Variants in PARD3B observed in about 807,000 individuals in gnomAD.
PARD3B encodes partitioning defective 3 homolog B.
PARD3B carries 103 observed loss-of-function variants against 130.2 expected under a neutral mutation model. The ratio of observed to expected loss-of-function variants is 0.79; its 90% CI spans 0.67 to 0.93. PARD3B has a LOEUF of 0.93. Ranked by LOEUF, PARD3B falls within the 40% of genes least tolerant of loss-of-function variation. The pLI is 0.00. For synonymous variants in PARD3B, 583 were observed against 553.2 expected, an observed-to-expected ratio of 1.05 and a Z score of -0.76; for missense variants, 1,609 against 1,499.2, an observed-to-expected ratio of 1.07 and a Z score of -1.21.
chr2:205,039,403 A>G (rs1336546156), intron 3 of PARD3B, among the ~76,000 whole-genome samples: 1 of 152,010 alleles, frequency 6.6e-6, no homozygotes, highest in African/African-American at 2.4e-5. Context: ...AGCTTCCACC[A>G]TACCTTCCTT....
At chr2:205,045,888 C>G (rs565716146) in intron 3 of PARD3B, among the ~76,000 whole-genome samples, 2 of 152,146 alleles carry the variant, frequency 1.3e-5, no homozygotes, top group South Asian at 2.1e-4. Flanking sequence ...ACTTCTGTGC[C>G]TCTAAATCAA....
At position 205,300,747 on chromosome 2, in the gene PARD3B, A is replaced by G; in HGVS notation, c.2392+11A>G. 1 of 1,601,664 alleles carries G rather than the reference A, an allele frequency of 6.2e-7. No homozygotes were observed. The highest frequency in any genetic ancestry group is 8.5e-7 in the Non-Finnish European group (1 of 1,169,800). ...AAGAAATAGAAGCTGGTAGGATGAT[A>G]TGCTTCCTTAAATGGCTTCTTCATC... On this transcript the variant is annotated intron_variant, in intron 17 of 22. Transcript: ENST00000406610. This position sits in a 1 kb window ranked among gnomAD's most constrained non-coding sequence, Gnocchi z 4.1.
chr2:204,866,690 T>C (rs1008249956), intron 2 of PARD3B, among the ~76,000 whole-genome samples: 1 of 152,050 alleles, frequency 6.6e-6, no homozygotes, highest in Non-Finnish European at 1.5e-5. Flanking sequence ...TATATATGTG[T>C]ATATATATGT....
At chr2:204,735,662 T>C (rs1409147003) in intron 2 of PARD3B, among the ~76,000 whole-genome samples, 3 of 152,162 alleles carry the variant, frequency 2.0e-5, no homozygotes, top group Admixed American at 2.0e-4. Context: ...AAAGACACTT[T>C]AGAGCAAGTG....
In PARD3B at chr2:205,091,578, A is replaced by G. The variant is rs1702114923; in HGVS notation, c.505-12848A>G. Among the ~76,000 whole-genome samples, 1 of 152,180 alleles carries G rather than the reference A, an allele frequency of 6.6e-6. No homozygotes were observed. Among genetic ancestry groups the G allele is most frequent in the African/African-American group, 2.4e-5 (1 of 41,450 alleles). ...TAAGGATGTGTCTGCGAAAACATTT[A>G]TCATCATCTCAGTGCTACAAGTCTC... On this transcript the variant is annotated intron_variant, in intron 4 of 22. Coordinates refer to ENST00000406610, the MANE Select transcript of PARD3B (RefSeq NM_001302769.2). This position sits in a 1 kb window ranked among gnomAD's most constrained non-coding sequence, Gnocchi z 4.2.
chr2:205,471,208 A>G (rs770291092), intron 20 of PARD3B, among the ~76,000 whole-genome samples: 1 of 152,150 alleles, frequency 6.6e-6, no homozygotes, highest in Non-Finnish European at 1.5e-5. Context: ...CACATGGCTT[A>G]ACATCTTCCA....
rs182975295 is a variant in PARD3B, at chr2:205,605,207, A to C, written c.3261-10249A>C. Among the ~76,000 whole-genome samples the C allele has an allele frequency of 5.4e-3, 822 of 152,272 alleles. 3 individuals carry two copies. Among genetic ancestry groups the C allele is most frequent in the Non-Finnish European group, 7.8e-3 (530 of 68,026 alleles). ...TACCCACCTTCTGAAGCCTACTTCT[A>C]TCAATTCATCCATCCCAGCCTCTGC... On this transcript the variant is annotated intron_variant, in intron 22 of 22. Coordinates refer to ENST00000406610, the MANE Select transcript of PARD3B (RefSeq NM_001302769.2).
rs989543418 is a variant in PARD3B, at chr2:205,241,800, A to C, written c.2141-3978A>C. Among the ~76,000 whole-genome samples the C allele has an allele frequency of 5.3e-5, 8 of 152,176 alleles. No individual in the cohort carries two copies. The highest frequency in any genetic ancestry group is 1.9e-4 in the African/African-American group (8 of 41,454). Reference sequence around the variant, plus strand: ...TAAAATGACACACCTGTCACATTTCATATCACTACCATTCCAATCACTGTG... The same window carrying C: ...TAAAATGACACACCTGTCACATTTCCTATCACTACCATTCCAATCACTGTG... On this transcript the variant is annotated intron_variant, in intron 15 of 22. Coordinates refer to ENST00000406610, the MANE Select transcript of PARD3B (RefSeq NM_001302769.2). This position sits in a 1 kb window ranked among gnomAD's most constrained non-coding sequence, Gnocchi z 4.2.
At chr2:205,332,575 A>G (rs937097661) in intron 18 of PARD3B, among the ~76,000 whole-genome samples, 2 of 152,208 alleles carry the variant, frequency 1.3e-5, no homozygotes, top group Admixed American at 1.3e-4. Context: ...GCCATTCCCT[A>G]CACTTTTCTG....
At position 205,183,922 on chromosome 2, in the gene PARD3B, G is replaced by A. The variant is rs972855; in HGVS notation, c.1925-1842G>A. Among the ~76,000 whole-genome samples the A allele has an allele frequency of 0.21, 31,535 of 151,962 alleles. 3,495 individuals are homozygous for A. The highest frequency in any genetic ancestry group is 0.25 in the South Asian group (1,202 of 4,820). ...CCGGAGAACCAGAAAAGCTGGTGGC[G>A]TGGTTTCAGTCTGAAGACAAACGGG... On this transcript the variant is annotated intron_variant, in intron 13 of 22. Transcript: ENST00000406610. The surrounding 1 kb of genome is among the most constrained non-coding windows in gnomAD (Gnocchi z 5.2).
At chr2:205,001,051 C>A (rs1056197548) in intron 3 of PARD3B, among the ~76,000 whole-genome samples, 8 of 152,166 alleles carry the variant, frequency 5.3e-5, no homozygotes, top group African/African-American at 1.7e-4. Flanking sequence ...TGCAATGGTG[C>A]TATCTTGGCT....
chr2:204,841,846 A>G (rs2125588861), intron 2 of PARD3B, among the ~76,000 whole-genome samples: 1 of 152,088 alleles, frequency 6.6e-6, no homozygotes, highest in Admixed American at 6.5e-5. Flanking sequence ...TTTTTTGCAG[A>G]AGTTTTTTGG....
At chr2:205,053,387 C>T (rs1699367588) in intron 4 of PARD3B, among the ~76,000 whole-genome samples, 1 of 152,004 alleles carries the variant, frequency 6.6e-6, no homozygotes, top group Non-Finnish European at 1.5e-5. Context: ...CCTGTAATCC[C>T]AGCACTTTGG....
At chr2:205,310,083 C>CTTTT (rs34247571) in intron 18 of PARD3B, among the ~76,000 whole-genome samples, 3 of 124,332 alleles carry the variant, frequency 2.4e-5, no homozygotes, top group Non-Finnish European at 3.3e-5. Flanking sequence ...AAAATCTACT[C>CTTTT]TTTTTTTTTT....
At chr2:204,631,345 G>C (rs977250004) in intron 1 of PARD3B, among the ~76,000 whole-genome samples, 14 of 151,780 alleles carry the variant, frequency 9.2e-5, no homozygotes, top group Non-Finnish European at 1.3e-4. Context: ...TGCCTCTCGG[G>C]TTCAAGCAAT....
Position 204,943,203 on chromosome 2 carries a change from T to C in PARD3B, c.223-21949T>C, listed in dbSNP as rs1288417292. Among the ~76,000 whole-genome samples the C allele has an allele frequency of 1.3e-5, 2 of 152,058 alleles. No homozygotes were observed. Among genetic ancestry groups the C allele is most frequent in the East Asian group, 3.9e-4 (2 of 5,188 alleles). ...ATATATATATATGTGTGTGTATATATATATAATATGTTAATTTTCATAGAT... is the reference window on the plus strand; with the variant it reads ...ATATATATATATGTGTGTGTATATACATATAATATGTTAATTTTCATAGAT... On this transcript the variant is annotated intron_variant, in intron 2 of 22. Transcript: ENST00000406610. This position sits in a 1 kb window ranked among gnomAD's most constrained non-coding sequence, Gnocchi z 4.2.
intron 2 of PARD3B, among the ~76,000 whole-genome samples, chr2:204,770,930 C>A (rs2041344684): frequency 6.6e-6 from 1 of 152,008 alleles, no homozygotes; most frequent in Non-Finnish European, 1.5e-5. Flanking sequence ...CTCTGCTTTT[C>A]CTAACAAATA....
intron 20 of PARD3B, among the ~76,000 whole-genome samples, chr2:205,450,438 G>T (rs959148438): frequency 1.5e-5 from 2 of 131,536 alleles, no homozygotes; most frequent in African/African-American, 5.7e-5. Flanking sequence ...TGAAAGGCAA[G>T]AAAACTTAAA....
intron 4 of PARD3B, among the ~76,000 whole-genome samples, chr2:205,097,116 A>T (rs1433397596): frequency 1.3e-5 from 2 of 152,170 alleles, no homozygotes; most frequent in Non-Finnish European, 2.9e-5. Flanking sequence ...CAGGTATGAA[A>T]TTGGAATAGG....
Sources: allele counts gnomAD v4.1 joint callset (sites outside exome capture counted in the v4.1 genomes callset), GRCh38; gene constraint gnomAD v4.1.1; non-coding constraint Gnocchi (gnomAD v3.1); transcripts MANE v1.5; gene names NCBI Gene and HGNC (gene_info 2026-07-23, HGNC 2026-07-21).